Variants in STK32A observed in about 807,000 individuals in gnomAD.
STK32A encodes serine/threonine-protein kinase 32A.
In STK32A, 41 loss-of-function variants were observed where a neutral mutation model predicts 53.2. The ratio of observed to expected loss-of-function variants is 0.77; its 90% CI spans 0.60 to 1.00. The LOEUF (loss-of-function observed/expected upper bound fraction) is 1.00. Among genes scored for constraint, STK32A ranks in the 50% least tolerant of loss-of-function variants. STK32A has a pLI of 0.00. For missense variants in STK32A, 458 were observed against 485.8 expected, an observed-to-expected ratio of 0.94 and a Z score of 0.54; for synonymous variants, 166 against 162.8, an observed-to-expected ratio of 1.02 and a Z score of -0.15.
intron 5 of STK32A, among the ~76,000 whole-genome samples, chr5:147,325,812 C>G (rs1221866858): frequency 6.6e-6 from 1 of 152,160 alleles, no homozygotes; most frequent in Non-Finnish European, 1.5e-5. Flanking sequence ...ACTGTTCATA[C>G]TTGTTAGTCT....
chr5:147,380,570 A>T (rs755734098), intron 11 of STK32A, among the ~76,000 whole-genome samples: 2 of 152,132 alleles, frequency 1.3e-5, no homozygotes, highest in Non-Finnish European at 2.9e-5. Flanking sequence ...AAAACATTTG[A>T]TCTGGGTCTA....
chr5:147,348,539 C>A (rs1476573849), intron 6 of STK32A, among the ~76,000 whole-genome samples: 1 of 152,166 alleles, frequency 6.6e-6, no homozygotes, highest in Non-Finnish European at 1.5e-5. Context: ...TTGTAGGAAT[C>A]AATTGGCTCT....
chr5:147,342,223 C>T (rs903774553), intron 5 of STK32A, among the ~76,000 whole-genome samples: 1 of 152,158 alleles, frequency 6.6e-6, no homozygotes, highest in Non-Finnish European at 1.5e-5. Context: ...CTTTGACAGA[C>T]CAAGTCTGTC....
At chr5:147,282,565 C>A in intron 4 of STK32A, among the ~76,000 whole-genome samples, 1 of 152,166 alleles carries the variant, frequency 6.6e-6, no homozygotes, top group Non-Finnish European at 1.5e-5. Flanking sequence ...TACATAAGTA[C>A]TCACATAAAC....
chr5:147,235,867 C>T (rs1470466090), intron 1 of STK32A, among the ~76,000 whole-genome samples: 1 of 152,068 alleles, frequency 6.6e-6, no homozygotes, highest in African/African-American at 2.4e-5. Flanking sequence ...CCCTAAAATG[C>T]TTTAAAAATA....
intron 4 of STK32A, among the ~76,000 whole-genome samples, chr5:147,300,253 G>A (rs1476498676): frequency 6.6e-6 from 1 of 152,106 alleles, no homozygotes; most frequent in African/African-American, 2.4e-5. Context: ...AGGCTCAAAG[G>A]AGCTAAAATA....
chr5:147,296,111 A>T (rs1325236298), intron 4 of STK32A, among the ~76,000 whole-genome samples: 1 of 152,362 alleles, frequency 6.6e-6, no homozygotes, highest in African/African-American at 2.4e-5. Flanking sequence ...CCAGCAAGGT[A>T]TATTTTGGAG....
At chr5:147,299,930 T>TA (rs1753049980) in intron 4 of STK32A, among the ~76,000 whole-genome samples, 2 of 152,142 alleles carry the variant, frequency 1.3e-5, no homozygotes, top group African/African-American at 2.4e-5. Flanking sequence ...TGAAGTCCCA[T>TA]ACTCCTGTCT....
chr5:147,364,679 C>T (rs537430884), intron 8 of STK32A, among the ~76,000 whole-genome samples: 1 of 152,280 alleles, frequency 6.6e-6, no homozygotes, highest in South Asian at 2.1e-4. Context: ...TTGCAGACAG[C>T]TTCTTTCTTG....
At chr5:147,353,614 G>T (rs1345840435) in intron 7 of STK32A, among the ~76,000 whole-genome samples, 1 of 152,076 alleles carries the variant, frequency 6.6e-6, no homozygotes, top group Non-Finnish European at 1.5e-5. Context: ...ACAAAAATTA[G>T]CTGGGCATGG....
intron 2 of STK32A, among the ~76,000 whole-genome samples, chr5:147,253,092 C>T (rs58447234): frequency 0.015 from 2,295 of 152,174 alleles, 57 homozygotes; most frequent in African/African-American, 0.053. Flanking sequence ...AATTCTAAAA[C>T]ATAAATATAA....
chr5:147,342,746 G>A, intron 5 of STK32A: 1 of 447,932 alleles, frequency 2.2e-6, no homozygotes. Context: ...CTGAGTTTTT[G>A]AATGAGAGAG....
intron 2 of STK32A, among the ~76,000 whole-genome samples, chr5:147,255,009 A>G (rs1022909281): frequency 6.6e-5 from 10 of 152,200 alleles, no homozygotes; most frequent in Middle Eastern, 3.4e-3. Flanking sequence ...GCGTGGTGGC[A>G]GGCACCTGTA....
chr5:147,283,967 C>G (rs1752193849), intron 4 of STK32A, among the ~76,000 whole-genome samples: 1 of 151,940 alleles, frequency 6.6e-6, no homozygotes. Flanking sequence ...AGAACATAAC[C>G]TAAAAAGAAA....
chr5:147,363,628 T>C (rs1050086309), intron 8 of STK32A, among the ~76,000 whole-genome samples: 3 of 152,236 alleles, frequency 2.0e-5, no homozygotes, highest in Admixed American at 6.5e-5. Flanking sequence ...GGTCCCAGCC[T>C]GTAAAATCCA....
intron 2 of STK32A, among the ~76,000 whole-genome samples, chr5:147,244,109 T>A (rs1434514092): frequency 6.6e-6 from 1 of 152,218 alleles, no homozygotes; most frequent in Non-Finnish European, 1.5e-5. Flanking sequence ...AACTACTCTA[T>A]GTACCTCATA....
At chr5:147,298,423 AT>A (rs1172607257) in intron 4 of STK32A, among the ~76,000 whole-genome samples, 3 of 152,218 alleles carry the variant, frequency 2.0e-5, no homozygotes, top group African/African-American at 4.8e-5. Flanking sequence ...AAACAAACTA[AT>A]TTAGGTATTT....
intron 1 of STK32A, among the ~76,000 whole-genome samples, chr5:147,235,435 T>C (rs1339460909): frequency 6.6e-6 from 1 of 152,218 alleles, no homozygotes; most frequent in Non-Finnish European, 1.5e-5. Context: ...TTTGCTGGGT[T>C]GAGACAAGTG....
chr5:147,255,595 TC>T (rs2151944221), intron 2 of STK32A, among the ~76,000 whole-genome samples: 1 of 152,314 alleles, frequency 6.6e-6, no homozygotes, highest in South Asian at 2.1e-4. Flanking sequence ...TTCTAATACT[TC>T]CATTAGGGGC....
Sources: gnomAD v4.1 joint callset for allele counts (sites outside exome capture counted in the v4.1 genomes callset) on GRCh38, gnomAD v4.1.1 for gene constraint, MANE v1.5 for transcripts, NCBI Gene and HGNC (gene_info 2026-07-23, HGNC 2026-07-21) for gene names.